Variants in EXOC2 observed in about 807,000 individuals in gnomAD.
EXOC2 encodes SEC5-like 1.
In EXOC2, 70 loss-of-function variants were observed where a neutral mutation model predicts 131.8. The ratio of observed to expected loss-of-function variants is 0.53; its 90% CI spans 0.44 to 0.65. EXOC2 has a LOEUF of 0.65. Among genes scored for constraint, EXOC2 ranks in the 30% least tolerant of loss-of-function variants. EXOC2 has a pLI of 0.00. For missense variants in EXOC2, 923 were observed against 1,108.6 expected (o/e 0.83, Z 2.38); for synonymous variants, 411 against 398.4 (o/e 1.03, Z -0.38).
intron 11 of EXOC2, among the ~76,000 whole-genome samples, chr6:582,856 C>T (rs2127610706): frequency 6.6e-6 from 1 of 152,182 alleles, no homozygotes; most frequent in African/African-American, 2.4e-5. Flanking sequence ...AGTTAAGAAG[C>T]CCCTGTTAAC....
chr6:685,753 A>T (rs988126753), intron 1 of EXOC2, among the ~76,000 whole-genome samples: 4 of 152,048 alleles, frequency 2.6e-5, no homozygotes, highest in Non-Finnish European at 5.9e-5. Flanking sequence ...TAGGGGCCAA[A>T]TTGTATAGAG....
At chr6:570,334 C>T (rs1184344333) in intron 13 of EXOC2, among the ~76,000 whole-genome samples, 3 of 152,070 alleles carry the variant, frequency 2.0e-5, no homozygotes, top group African/African-American at 7.2e-5. Flanking sequence ...GGGGTTTCAC[C>T]GTGTCAGCCA....
chr6:488,366 C>CCT (rs1298777062), intron 27 of EXOC2, among the ~76,000 whole-genome samples: 2 of 152,180 alleles, frequency 1.3e-5, no homozygotes, highest in African/African-American at 4.8e-5. Flanking sequence ...CTCGGGGGAG[C>CCT]CTGGGCATTT....
At chr6:588,589 G>A (rs969116407) in intron 11 of EXOC2, among the ~76,000 whole-genome samples, 1 of 152,232 alleles carries the variant, frequency 6.6e-6, no homozygotes, top group Non-Finnish European at 1.5e-5. Context: ...TCCTGACCTT[G>A]TGATCCGCCC....
In EXOC2 at chr6:508,256, C is replaced by G. The variant is rs1027969552; in HGVS notation, c.2381-8556G>C. Among the ~76,000 whole-genome samples, 3 of 152,272 alleles carry G rather than the reference C, an allele frequency of 2.0e-5. No individual in the cohort carries two copies. In the South Asian group the frequency reaches 6.2e-4, roughly 32 times the overall value. ...GCCGCCCCAACTGTCAGCATCCCCA[C>G]CAGAGGGGTGCATTTGTTACAGTCG... On this transcript the variant is annotated intron_variant, in intron 23 of 27. Transcript: ENST00000230449.
intron 2 of EXOC2, among the ~76,000 whole-genome samples, chr6:636,815 T>C (rs1762123608): frequency 6.6e-6 from 1 of 152,334 alleles, no homozygotes; most frequent in South Asian, 2.1e-4. Flanking sequence ...CAAGTAATCG[T>C]AACTGGCCAT....
At chr6:656,059 T>C (rs367616837) in intron 1 of EXOC2, 378 of 1,410,890 alleles carry the variant, frequency 2.7e-4, no homozygotes, top group Non-Finnish European at 3.3e-4. Context: ...TCTGTTTTAG[T>C]TTTGAAAAGA....
At chr6:604,592 C>T (rs1376551777) in intron 7 of EXOC2, among the ~76,000 whole-genome samples, 2 of 152,196 alleles carry the variant, frequency 1.3e-5, no homozygotes, top group Non-Finnish European at 2.9e-5. Context: ...CACTACTGCA[C>T]AGCCAGTTCG....
intron 1 of EXOC2, among the ~76,000 whole-genome samples, chr6:645,570 C>A (rs954109403): frequency 7.0e-6 from 1 of 143,114 alleles, no homozygotes; most frequent in African/African-American, 2.6e-5. Context: ...CTTTTGCAAT[C>A]TGATAACAAA....
chr6:625,043 C>T (rs189685433), intron 4 of EXOC2, among the ~76,000 whole-genome samples: 42 of 152,318 alleles, frequency 2.8e-4, no homozygotes, highest in Middle Eastern at 6.8e-3. Context: ...CAGTTTCAGT[C>T]ACGGACAATT....
intron 1 of EXOC2, chr6:689,356 T>C (rs1226622521): frequency 6.6e-6 from 1 of 152,218 alleles, no homozygotes; most frequent in Non-Finnish European, 1.5e-5. Context: ...CTAATAAAAC[T>C]TTCCAGGAAA....
At chr6:686,478 A>T (rs144773363) in intron 1 of EXOC2, among the ~76,000 whole-genome samples, 1 of 152,084 alleles carries the variant, frequency 6.6e-6, no homozygotes, top group African/African-American at 2.4e-5. Context: ...CTCCCTCTAC[A>T]ATGTTTGGAG....
intron 25 of EXOC2, among the ~76,000 whole-genome samples, chr6:496,480 G>A (rs1204405403): frequency 2.6e-5 from 4 of 152,172 alleles, no homozygotes; most frequent in African/African-American, 9.7e-5. Flanking sequence ...GTCGGACCAT[G>A]CATATGGAGA....
chr6:490,438 G>A (rs1444612250), intron 26 of EXOC2, among the ~76,000 whole-genome samples: 1 of 152,150 alleles, frequency 6.6e-6, no homozygotes, highest in African/African-American at 2.4e-5. Context: ...GTGACCGACG[G>A]GAATGAAAGG....
intron 24 of EXOC2, 32 bp from the exon 25 acceptor site, chr6:497,521 TG>T (rs1347582616): frequency 6.3e-7 from 1 of 1,576,794 alleles, no homozygotes. Flanking sequence ...TGGTGCTTTG[TG>T]GGGCTTTTTG....
chr6:488,164 G>A (rs1342622812), intron 27 of EXOC2, among the ~76,000 whole-genome samples: 1 of 152,200 alleles, frequency 6.6e-6, no homozygotes, highest in Non-Finnish European at 1.5e-5. Context: ...GGGCTGGTCT[G>A]CTGCCTGCTC....
At chr6:533,043 G>C (rs1408111572) in intron 22 of EXOC2, among the ~76,000 whole-genome samples, 1 of 152,114 alleles carries the variant, frequency 6.6e-6, no homozygotes, top group African/African-American at 2.4e-5. Flanking sequence ...AAGGGGAAGA[G>C]AGCCCCTTAT....
At position 599,686 on chromosome 6, in the gene EXOC2, A is replaced by C. The variant is rs182988998; in HGVS notation, c.743-461T>G. Among the ~76,000 whole-genome samples the C allele has an allele frequency of 1.5e-4, 23 of 152,340 alleles. No homozygotes were observed. The South Asian group carries it at 4.6e-3, about 30-fold the overall frequency. ...GAAATCATTTTCAGGAAAGTTGCTCAATAGAAATATTTAAAACAAATTCTA... is the reference window on the plus strand; with the variant it reads ...GAAATCATTTTCAGGAAAGTTGCTCCATAGAAATATTTAAAACAAATTCTA... On this transcript the variant is annotated intron_variant, in intron 7 of 27. Coordinates refer to ENST00000230449, the MANE Select transcript of EXOC2 (RefSeq NM_018303.6).
rs1276172943 is a variant in EXOC2 at position 576,710 on chromosome 6, C to G, written c.1318+47G>C. The G allele has an allele frequency of 4.4e-6, 7 of 1,596,748 alleles. No individual in the cohort carries two copies. The Admixed American group carries it at 1.2e-4, about 27-fold the overall frequency. The stretch of plus-strand genomic sequence containing the variant: ...CAAGAGAAGAATGTTTGAAATTACA[C>G]GAGTACAAATTTAAAAGACCCAGTG... On this transcript the variant is annotated intron_variant, in intron 12 of 27. Coordinates refer to ENST00000230449, the MANE Select transcript of EXOC2 (RefSeq NM_018303.6).
Sources: gnomAD v4.1 joint callset for allele counts (sites outside exome capture counted in the v4.1 genomes callset) on GRCh38, gnomAD v4.1.1 for gene constraint, MANE v1.5 for transcripts, NCBI Gene and HGNC (gene_info 2026-07-23, HGNC 2026-07-21) for gene names.